The following GOLPH3 variants were observed in gnomAD, a reference collection of about 807,000 sequenced individuals.
GOLPH3 encodes coat protein GPP34.
GOLPH3 carries 14 observed loss-of-function variants against 28.5 expected under a neutral mutation model. That is an observed-to-expected ratio of 0.49 (90% CI 0.32 to 0.77). The LOEUF is 0.77. Ranked by LOEUF, GOLPH3 falls within the 30% of genes least tolerant of loss-of-function variation. The pLI, the probability that GOLPH3 is intolerant of heterozygous loss-of-function variation, is 0.03. For missense variants in GOLPH3, 350 were observed against 393.7 expected (o/e 0.89, Z 0.94); for synonymous variants, 158 against 159.2 (o/e 0.99, Z 0.06).
chr5:32,151,401 C>T lies in GOLPH3; in HGVS notation c.226-7521G>A, dbSNP rs554352672. Reference sequence around the variant, plus strand: ...ATTAGCTGGGTGCGATAGCACATGCCTGTAGACCTAGCTACTCGGGAGGAC... The same window carrying T: ...ATTAGCTGGGTGCGATAGCACATGCTTGTAGACCTAGCTACTCGGGAGGAC... On this transcript the variant is annotated intron_variant, in intron 1 of 3. Transcript: ENST00000265070. 3.9e-5 allele frequency among the ~76,000 whole-genome samples: 6 copies of T among 152,224 alleles called. No homozygotes were observed. The East Asian group carries it at 1.2e-3, about 29-fold the overall frequency.
intron 1 of GOLPH3, among the ~76,000 whole-genome samples, chr5:32,165,246 T>C (rs1746685090): frequency 6.6e-6 from 1 of 152,158 alleles, no homozygotes; most frequent in African/African-American, 2.4e-5. Flanking sequence ...GTCATTGTAC[T>C]GAGTGACTGC....
At chr5:32,127,346 G>A (rs1313968486) in intron 3 of GOLPH3, among the ~76,000 whole-genome samples, 1 of 152,096 alleles carries the variant, frequency 6.6e-6, no homozygotes, top group Non-Finnish European at 1.5e-5. Context: ...TTTTCCAAAT[G>A]ATCTCCAATG....
intron 1 of GOLPH3, among the ~76,000 whole-genome samples, chr5:32,164,417 GGA>G (rs1289457881): frequency 6.7e-6 from 1 of 149,452 alleles, no homozygotes; most frequent in Non-Finnish European, 1.5e-5. Context: ...TTTTTGAGAC[GGA>G]GTCTCACTCT....
intron 1 of GOLPH3, 67 bp downstream of exon 1, chr5:32,173,743 T>A: frequency 9.5e-6 from 11 of 1,162,684 alleles, no homozygotes; most frequent in Non-Finnish European, 1.2e-5. Flanking sequence ...ACCTGGCACC[T>A]ACCTGGAGCT....
chr5:32,148,873 G>A (rs1258704418), intron 1 of GOLPH3, among the ~76,000 whole-genome samples: 1 of 152,220 alleles, frequency 6.6e-6, no homozygotes, highest in African/African-American at 2.4e-5. Context: ...TACTCAGGAG[G>A]TTGAGGCAGG....
intron 1 of GOLPH3, among the ~76,000 whole-genome samples, chr5:32,165,938 G>A (rs920699193): frequency 6.6e-6 from 1 of 152,216 alleles, no homozygotes; most frequent in Non-Finnish European, 1.5e-5. Context: ...GGAATTTTCT[G>A]TAGTTAATTT....
chr5:32,136,167 T>C (rs1745927342), intron 2 of GOLPH3, among the ~76,000 whole-genome samples: 1 of 151,082 alleles, frequency 6.6e-6, no homozygotes. Flanking sequence ...AGAGTGAGAC[T>C]ATCTCAAAGA....
chr5:32,136,960 C>CT (rs1309204798), intron 2 of GOLPH3, among the ~76,000 whole-genome samples: 5 of 151,914 alleles, frequency 3.3e-5, no homozygotes, highest in Middle Eastern at 3.4e-3. Flanking sequence ...TTCTTGGTTT[C>CT]TTTTTTTTCT....
At chr5:32,142,458 G>A (rs1333135329) in intron 2 of GOLPH3, among the ~76,000 whole-genome samples, 6 of 148,444 alleles carry the variant, frequency 4.0e-5, no homozygotes, top group Non-Finnish European at 7.5e-5. Flanking sequence ...CAGCCACCTC[G>A]TCCGGGAGGG....
intron 1 of GOLPH3, among the ~76,000 whole-genome samples, chr5:32,164,463 G>C (rs1746661096): frequency 1.3e-5 from 2 of 151,336 alleles, no homozygotes; most frequent in South Asian, 4.2e-4. Context: ...GCGCGATATG[G>C]GCTCACTGCA....
Position 32,126,208 on chromosome 5 carries a change from A to G in GOLPH3, c.*4T>C. ...GAAAGGAGAATGGTTCACCCCGAGC[A>G]GAGTTACTTGGTGAACGCCGCCACC... On this transcript the variant is annotated 3_prime_UTR_variant, in exon 4 of 4. Transcript: ENST00000265070. 5 of 1,606,366 alleles carry G rather than the reference A, an allele frequency of 3.1e-6. No individual in the cohort carries two copies. Among genetic ancestry groups the G allele is most frequent in the Middle Eastern group, 1.7e-4 (1 of 6,032 alleles).
At position 32,134,538 on chromosome 5, in the gene GOLPH3, A is replaced by C. The variant is rs1043940388; in HGVS notation, c.472+1034T>G. The stretch of plus-strand genomic sequence containing the variant: ...AATAAAATAAAAAAAAAAAAAAAAA[A>C]CTCAGCGAGGCATGGTGGCACACAC... On this transcript the variant is annotated intron_variant, in intron 3 of 3. Coordinates refer to ENST00000265070, the MANE Select transcript of GOLPH3 (RefSeq NM_022130.4). Among the ~76,000 whole-genome samples, 4 of 150,968 alleles carry C rather than the reference A, an allele frequency of 2.6e-5. No homozygotes were observed. The East Asian group carries it at 7.8e-4, about 29-fold the overall frequency.
At chr5:32,140,901 C>A (rs933786194) in intron 2 of GOLPH3, among the ~76,000 whole-genome samples, 2 of 152,066 alleles carry the variant, frequency 1.3e-5, no homozygotes, top group Non-Finnish European at 2.9e-5. Flanking sequence ...ATAGCTCACG[C>A]CTGTAATCCT....
intron 1 of GOLPH3, among the ~76,000 whole-genome samples, chr5:32,162,829 A>G (rs2111889668): frequency 6.6e-6 from 1 of 152,338 alleles, no homozygotes; most frequent in East Asian, 1.9e-4. Flanking sequence ...CTGTAATCCC[A>G]GCACTTTGGG....
chr5:32,157,660 G>A (rs1192178697), intron 1 of GOLPH3, among the ~76,000 whole-genome samples: 1 of 152,150 alleles, frequency 6.6e-6, no homozygotes, highest in Non-Finnish European at 1.5e-5. Flanking sequence ...TAAATGTACT[G>A]TCTCCAACTT....
chr5:32,127,562 C>T (rs1745711558), intron 3 of GOLPH3, among the ~76,000 whole-genome samples: 1 of 152,198 alleles, frequency 6.6e-6, no homozygotes, highest in Admixed American at 6.5e-5. Flanking sequence ...TTCATCTCTT[C>T]AGTGGCACTA....
chr5:32,132,921 CCTT>C (rs1745852610), intron 3 of GOLPH3, among the ~76,000 whole-genome samples: 1 of 152,004 alleles, frequency 6.6e-6, no homozygotes, highest in Non-Finnish European at 1.5e-5. Flanking sequence ...CCTTTTTCCT[CCTT>C]CTCCCACTCT....
At position 32,139,020 on chromosome 5, in the gene GOLPH3, C is replaced by T. The variant is rs1581540987; in HGVS notation, c.358-3334G>A. On this transcript the variant is annotated intron_variant, in intron 2 of 3. Transcript: ENST00000265070. ...GCCTCAAAGCTCGCCCACGCACATCCGTTTGCAACGGATCTTATGTCAGGG... is the reference window on the plus strand; with the variant it reads ...GCCTCAAAGCTCGCCCACGCACATCTGTTTGCAACGGATCTTATGTCAGGG... 2.6e-5 allele frequency among the ~76,000 whole-genome samples: 4 copies of T among 152,312 alleles called. No homozygotes were observed. The South Asian group carries it at 6.2e-4, about 24-fold the overall frequency.
chr5:32,155,098 CAA>C (rs55955910), intron 1 of GOLPH3, among the ~76,000 whole-genome samples: 3 of 112,956 alleles, frequency 2.7e-5, no homozygotes, highest in East Asian at 2.5e-4. Context: ...GACTCTGTCT[CAA>C]AAAAAAAAAA....
Sources: gnomAD v4.1 joint callset for allele counts (sites outside exome capture counted in the v4.1 genomes callset) on GRCh38, gnomAD v4.1.1 for gene constraint, MANE v1.5 for transcripts, NCBI Gene and HGNC (gene_info 2026-07-23, HGNC 2026-07-21) for gene names.